ANKS1B: variants seen among roughly 807,000 people sequenced by gnomAD.
ANKS1B encodes ankyrin repeat and sterile alpha motif domain containing 1B.
ANKS1B carries 36 observed loss-of-function variants against 148.3 expected under a neutral mutation model. That is an observed-to-expected ratio of 0.24 (90% CI 0.19 to 0.32). The LOEUF is 0.32. Among genes scored for constraint, ANKS1B ranks in the 10% least tolerant of loss-of-function variants. ANKS1B has a pLI of 1.00. For synonymous variants in ANKS1B, 542 were observed against 560.8 expected (o/e 0.97, Z 0.47); for missense variants, 1,157 against 1,542.6 (o/e 0.75, Z 4.19).
intron 8 of ANKS1B, among the ~76,000 whole-genome samples, chr12:99,682,963 T>C (rs1567634989): frequency 6.6e-6 from 1 of 152,164 alleles, no homozygotes; most frequent in Non-Finnish European, 1.5e-5. Context: ...CACAGTTTCA[T>C]CTGACTGGGG....
At chr12:99,844,090 G>T (rs936504787) in intron 1 of ANKS1B, among the ~76,000 whole-genome samples, 1 of 151,866 alleles carries the variant, frequency 6.6e-6, no homozygotes, top group Admixed American at 6.6e-5. Context: ...CTTCTTAATG[G>T]GGTTGTTTTT....
At chr12:99,177,984 C>T (rs1316021964) in intron 14 of ANKS1B, among the ~76,000 whole-genome samples, 1 of 152,216 alleles carries the variant, frequency 6.6e-6, no homozygotes, top group African/African-American at 2.4e-5. Context: ...TTCACTGCAA[C>T]ACCAACAGAT....
In ANKS1B at chr12:99,033,550, G is replaced by A. The variant is rs11109706; in HGVS notation, c.2778+19607C>T. On this transcript the variant is annotated intron_variant, in intron 17 of 26. Transcript: ENST00000683438. Reference sequence around the variant, plus strand: ...ATGGTGAAGCATGCCTGTAATCCCAGCTACTCAGGAGGCTGAGGCAGGAGA... The same window carrying A: ...ATGGTGAAGCATGCCTGTAATCCCAACTACTCAGGAGGCTGAGGCAGGAGA... 3.9e-3 allele frequency among the ~76,000 whole-genome samples: 593 copies of A among 152,102 alleles called. 20 individuals are homozygous for A. The East Asian group carries it at 0.1, about 27-fold the overall frequency.
intron 11 of ANKS1B, among the ~76,000 whole-genome samples, chr12:99,420,709 A>AT (rs1163175126): frequency 6.6e-6 from 1 of 152,228 alleles, no homozygotes. Flanking sequence ...GTGTTAAAAA[A>AT]TACATAAACT....
intron 8 of ANKS1B, among the ~76,000 whole-genome samples, chr12:99,682,508 T>A (rs183794950): frequency 6.6e-6 from 1 of 152,172 alleles, no homozygotes; most frequent in Non-Finnish European, 1.5e-5. Flanking sequence ...TGAATAATCA[T>A]TGGGTCAACA....
chr12:98,895,252 C>A, intron 17 of ANKS1B: 5 of 985,444 alleles, frequency 5.1e-6, no homozygotes, highest in Non-Finnish European at 6.0e-6. Flanking sequence ...CTCCCAGGCA[C>A]TCGCTGCTGC....
intron 10 of ANKS1B, among the ~76,000 whole-genome samples, chr12:99,469,778 T>C (rs181187529): frequency 4.9e-4 from 74 of 152,280 alleles, no homozygotes; most frequent in Admixed American, 1.8e-3. Flanking sequence ...AAATTGTTTG[T>C]TGTATTTCAG....
intron 12 of ANKS1B, among the ~76,000 whole-genome samples, chr12:99,394,189 A>G (rs1368081349): frequency 2.0e-5 from 3 of 152,226 alleles, no homozygotes; most frequent in South Asian, 2.1e-4. Flanking sequence ...TTTGGTTTCA[A>G]TTGAAGCTGC....
At chr12:98,892,673 C>T (rs1160397581) in intron 17 of ANKS1B, among the ~76,000 whole-genome samples, 1 of 152,180 alleles carries the variant, frequency 6.6e-6, no homozygotes, top group Non-Finnish European at 1.5e-5. Flanking sequence ...AATAAGTGCA[C>T]TTATGCAGTT....
At chr12:98,767,819 G>A (rs929335327) in intron 25 of ANKS1B, among the ~76,000 whole-genome samples, 1 of 152,184 alleles carries the variant, frequency 6.6e-6, no homozygotes, top group Non-Finnish European at 1.5e-5. Flanking sequence ...CAACAGTTTT[G>A]AAATTACCTT....
rs986426330 is a variant in ANKS1B, at chr12:99,490,894, T to C, written c.1438+13582A>G. On this transcript the variant is annotated intron_variant, in intron 10 of 26. Transcript: ENST00000683438. ...TGCAGGTAAGGTGAATAGTTAAATA[T>C]GAGACTACAAGCATTACGTAAGATT... Among the ~76,000 whole-genome samples, 17 of 152,228 alleles carry C rather than the reference T, an allele frequency of 1.1e-4. 1 individual carries two copies. The highest frequency in any genetic ancestry group is 6.5e-4 in the Admixed American group (10 of 15,290).
chr12:99,106,495 T>A (rs377388776), intron 15 of ANKS1B, among the ~76,000 whole-genome samples: 1 of 152,378 alleles, frequency 6.6e-6, no homozygotes, highest in Non-Finnish European at 1.5e-5. Context: ...TAAGCTTATA[T>A]ACTCATACAA....
rs2095587664 is a variant in ANKS1B at position 99,443,670 on chromosome 12, T to C, written c.1575+3A>G. 4 of 1,611,278 alleles carry C rather than the reference T, an allele frequency of 2.5e-6. No individual in the cohort carries two copies. Among genetic ancestry groups the C allele is most frequent in the Non-Finnish European group, 2.5e-6 (3 of 1,178,368 alleles). On this transcript the variant is annotated splice_donor_region_variant and intron_variant, in intron 11 of 26. Coordinates refer to ENST00000683438, the MANE Select transcript of ANKS1B (RefSeq NM_001352186.2). ...GGAAAATGATGCCATTCTGGGCACTTACCTGGGGTCGAATGACTTTTACAA... is the reference window on the plus strand; with the variant it reads ...GGAAAATGATGCCATTCTGGGCACTCACCTGGGGTCGAATGACTTTTACAA...
At chr12:99,823,196 T>C (rs12828685) in intron 2 of ANKS1B, among the ~76,000 whole-genome samples, 12,346 of 152,274 alleles carry the variant, frequency 0.081, 705 homozygotes, top group Non-Finnish European at 0.12. Flanking sequence ...TATTTGGCCT[T>C]TGGTAGATGC....
intron 16 of ANKS1B, among the ~76,000 whole-genome samples, chr12:99,068,758 T>G (rs1822820474): frequency 7.2e-6 from 1 of 139,526 alleles, no homozygotes; most frequent in African/African-American, 2.6e-5. Flanking sequence ...AATATGGACA[T>G]CCATTTCTCT....
intron 12 of ANKS1B, among the ~76,000 whole-genome samples, chr12:99,349,465 T>A (rs543574869): frequency 1.6e-4 from 25 of 151,854 alleles, no homozygotes; most frequent in African/African-American, 6.0e-4. Context: ...ACAAATAGGT[T>A]GAAAGTTAAA....
intron 1 of ANKS1B, among the ~76,000 whole-genome samples, chr12:99,926,272 C>A (rs527333436): frequency 2.6e-5 from 4 of 152,132 alleles, no homozygotes; most frequent in Admixed American, 2.6e-4. Flanking sequence ...TACCACCTTG[C>A]GAAGGTTAAT....
At chr12:99,703,657 AG>A (rs961854862) in intron 8 of ANKS1B, among the ~76,000 whole-genome samples, 7 of 152,066 alleles carry the variant, frequency 4.6e-5, no homozygotes, top group African/African-American at 1.7e-4. Context: ...TGGGAGAGTT[AG>A]TCATTCCCTG....
chr12:99,644,122 C>A (rs2098336323), intron 9 of ANKS1B, among the ~76,000 whole-genome samples: 1 of 152,160 alleles, frequency 6.6e-6, no homozygotes, highest in African/African-American at 2.4e-5. Flanking sequence ...ATCTAGAAAT[C>A]TACTCAGCAA....
Sources: gnomAD v4.1 joint callset for allele counts (sites outside exome capture counted in the v4.1 genomes callset) on GRCh38, gnomAD v4.1.1 for gene constraint, MANE v1.5 for transcripts, NCBI Gene and HGNC (gene_info 2026-07-23, HGNC 2026-07-21) for gene names.